AMDHD2: variants seen among roughly 807,000 people sequenced by gnomAD.
The protein encoded by AMDHD2 is amidohydrolase domain containing 2, also known as N-acetylglucosamine-6-phosphate deacetylase.
Under a neutral mutation model 41.8 loss-of-function variants are expected in AMDHD2, and 24 were observed. The observed-to-expected ratio is 0.57, with a 90% CI of 0.42 to 0.81. The LOEUF (loss-of-function observed/expected upper bound fraction) is 0.81, where lower values mean the gene tolerates loss of function less well. AMDHD2 is among the 30% of genes least tolerant of loss of function. The pLI is 0.00. For synonymous variants in AMDHD2, 332 were observed against 255.5 expected (o/e 1.30, Z -2.85); for missense variants, 540 against 588.5 (o/e 0.92, Z 0.85).
intron 3 of AMDHD2, among the ~76,000 whole-genome samples, chr16:2,523,169 A>G (rs1402838047): frequency 6.6e-6 from 1 of 152,168 alleles, no homozygotes; most frequent in African/African-American, 2.4e-5. Context: ...TAAGATAATG[A>G]ATATTTTCTT....
At position 2,520,778 on chromosome 16, in the gene AMDHD2, G is replaced by C. The variant is rs1204504052; in HGVS notation, c.93G>C (p.Leu31=). ...LRGGKLLRED[L]WVRGGRILDP... is the part of the protein sequence containing the mutation. ...CCCACTGCGTCCCCAGGGAGGATCT[G>C]TGGGTGCGCGGAGGCCGCATCTTGG... Residue 31 remains leucine (L), a synonymous_variant, in exon 2 of 11, where the codon CTG becomes CTC. Transcript: ENST00000293971. 2 of 1,600,144 alleles carry C rather than the reference G, an allele frequency of 1.2e-6. No homozygotes were observed. Among genetic ancestry groups the C allele is most frequent in the South Asian group, 1.1e-5 (1 of 90,480 alleles).
In AMDHD2 at chr16:2,521,278, C is replaced by T. The variant is rs2065933428; in HGVS notation, c.360+155C>T. Among the ~76,000 whole-genome samples, 3 of 150,816 alleles carry T rather than the reference C, an allele frequency of 2.0e-5. No homozygotes were observed. In the Admixed American group the frequency reaches 2.0e-4, roughly 10 times the overall value. ...ACCGGATCTGGGCCTGGGTCCCGCC[C>T]CTGTGCTTCTTTATCAGTTGTCGCT... On this transcript the variant is annotated intron_variant, in intron 3 of 10. Coordinates refer to ENST00000293971, the MANE Select transcript of AMDHD2 (RefSeq NM_001330449.2).
In AMDHD2 at chr16:2,528,347, G is replaced by A. The variant is rs144328925; in HGVS notation, c.829G>A (p.Ala277Thr). Residue 277 changes from alanine (A) to threonine (T), a missense_variant, in exon 7 of 11, where the codon GCC becomes ACC. Coordinates refer to ENST00000293971, the MANE Select transcript of AMDHD2 (RefSeq NM_001330449.2). ...IADGTHTNPA[A>T]LRIAHRAHPQ... ...AGATGGCACGCACACCAACCCCGCC[G>A]CCCTGCGGATCGCCCACCGTGCCCA... 8.7e-6 allele frequency: 14 copies of A among 1,612,720 alleles called. No homozygotes were observed. The highest frequency in any genetic ancestry group is 1.7e-5 in the Admixed American group (1 of 60,002).
At chr16:2,522,805 T>TGCCTG (rs954849595) in intron 3 of AMDHD2, among the ~76,000 whole-genome samples, 1 of 151,904 alleles carries the variant, frequency 6.6e-6, no homozygotes, top group African/African-American at 2.4e-5. Context: ...AGAGCCACTG[T>TGCCTG]GCCTGGCCCA....
At position 2,520,544 on chromosome 16, in the gene AMDHD2, G is replaced by T. The variant is rs767879826; in HGVS notation, c.83+3G>T. On this transcript the variant is annotated splice_donor_region_variant and intron_variant, in intron 1 of 10. Transcript: ENST00000293971. Reference sequence around the variant, plus strand: ...CTGCGCGGAGGGAAACTGCTCAGGTGGGCGCGGGCCGGGGACTGCGGGGCT... The same window carrying T: ...CTGCGCGGAGGGAAACTGCTCAGGTTGGCGCGGGCCGGGGACTGCGGGGCT... 6.5e-6 allele frequency: 8 copies of T among 1,238,850 alleles called. No homozygotes were observed. The highest frequency in any genetic ancestry group is 3.0e-4 in the Middle Eastern group (1 of 3,304). The allele number at this position is 1,238,850 out of a possible 1,614,324, so 76.7% of individuals were successfully genotyped here.
At position 2,530,377 on chromosome 16, in the gene AMDHD2, G is replaced by A. The variant is rs555977956; in HGVS notation, c.*814G>A. 1.2e-6 allele frequency: 2 copies of A among 1,614,182 alleles called. No homozygotes were observed. The highest frequency in any genetic ancestry group is 4.5e-5 in the East Asian group (2 of 44,882). ...CCATCTTCTGTGTCCCCTTGGCCCT[G>A]GCACACACCCATGTGGCAAACACGG... On this transcript the variant is annotated 3_prime_UTR_variant, in exon 11 of 11. Transcript: ENST00000293971.
rs367937724 is a variant in AMDHD2, at chr16:2,530,755, C to T, written c.*1192C>T. On this transcript the variant is annotated 3_prime_UTR_variant, in exon 11 of 11. Coordinates refer to ENST00000293971, the MANE Select transcript of AMDHD2 (RefSeq NM_001330449.2). ...AACCACCTGCCTGGGCAGGGCCTCG[C>T]CTGAGGGAGGGCCTGGGGCAGGGCA... The T allele has an allele frequency of 9.9e-6, 16 of 1,613,604 alleles. No individual in the cohort carries two copies. Among genetic ancestry groups the T allele is most frequent in the Non-Finnish European group, 1.2e-5 (14 of 1,179,808 alleles).
At chr16:2,525,366 C>CTTTT (rs34643272) in intron 3 of AMDHD2, among the ~76,000 whole-genome samples, 2 of 127,338 alleles carry the variant, frequency 1.6e-5, no homozygotes, top group Admixed American at 7.9e-5. Flanking sequence ...CCAAATGTTG[C>CTTTT]TTTTTTTTTT....
rs764415933 is a variant in AMDHD2 at position 2,530,237 on chromosome 16, A to G, written c.*674A>G. ...TCTGTTTTCTCTTCTCAATAACCCT[A>G]TCTCTTCACACATCCCCAGGCCCAG... On this transcript the variant is annotated 3_prime_UTR_variant, in exon 11 of 11. Transcript: ENST00000293971. 22 of 1,592,740 alleles carry G rather than the reference A, an allele frequency of 1.4e-5. 1 individual carries two copies. The East Asian group carries it at 2.3e-4, about 16-fold the overall frequency.
At position 2,531,305 on chromosome 16, in the gene AMDHD2, G is replaced by C; in HGVS notation, c.*1742G>C. The C allele has an allele frequency of 1.8e-6, 1 of 557,758 alleles. No individual in the cohort carries two copies. The allele number at this position is 557,758 out of a possible 1,614,324, so 34.6% of individuals were successfully genotyped here. A position where few individuals can be genotyped will look rare whatever the true frequency, so the allele number is the denominator to read the frequency against. ...CCAGGGTCAGGGTGAGAGAGAGCTGGGCCAGGGAGCTGCTGCAGGATGATT... is the reference window on the plus strand; with the variant it reads ...CCAGGGTCAGGGTGAGAGAGAGCTGCGCCAGGGAGCTGCTGCAGGATGATT... On this transcript the variant is annotated 3_prime_UTR_variant, in exon 11 of 11. Coordinates refer to ENST00000293971, the MANE Select transcript of AMDHD2 (RefSeq NM_001330449.2).
chr16:2,531,404 A>G lies in AMDHD2; in HGVS notation c.*1841A>G. 2.0e-6 allele frequency: 1 copy of G among 506,662 alleles called. No homozygotes were observed. The highest frequency in any genetic ancestry group is 3.6e-5 in the Admixed American group (1 of 27,968). The allele number at this position is 506,662 out of a possible 1,614,324, so 31.4% of individuals were successfully genotyped here. A position where few individuals can be genotyped will look rare whatever the true frequency, so the allele number is the denominator to read the frequency against. On this transcript the variant is annotated 3_prime_UTR_variant, in exon 11 of 11. Coordinates refer to ENST00000293971, the MANE Select transcript of AMDHD2 (RefSeq NM_001330449.2). ...AAATTGTGGTAAAATACATAACAAAAGTAACTATCGTAACCTGAGCAGTTC... is the reference window on the plus strand; with the variant it reads ...AAATTGTGGTAAAATACATAACAAAGGTAACTATCGTAACCTGAGCAGTTC...
intron 9 of AMDHD2, 89 bp from the exon 10 acceptor site, chr16:2,528,905 C>T: frequency 1.3e-6 from 2 of 1,482,796 alleles, no homozygotes; most frequent in Non-Finnish European, 1.8e-6. Context: ...CTGCAGAGTC[C>T]CTGAGACAGG....
At position 2,530,902 on chromosome 16, in the gene AMDHD2, C is replaced by T. The variant is rs373411042; in HGVS notation, c.*1339C>T. 83 of 1,613,388 alleles carry T rather than the reference C, an allele frequency of 5.1e-5. No individual in the cohort carries two copies. In the Middle Eastern group the frequency reaches 9.9e-4, roughly 19 times the overall value. ...ATACCCACCTCTGCCTTGACGGCCG[C>T]GCACCCCTTAGGAAGTGGCTGTCCA... is the stretch of plus-strand genomic sequence containing the variant. On this transcript the variant is annotated 3_prime_UTR_variant, in exon 11 of 11. Coordinates refer to ENST00000293971, the MANE Select transcript of AMDHD2 (RefSeq NM_001330449.2).
chr16:2,529,961 TGGGGTGAAGCCACCATGGGCTG>T lies in AMDHD2; in HGVS notation c.*408_*429del. ...GGCAGGCAGTCAGTGGCTGGTGCCA[TGGGGTGAAGCCACCATGGGCTG>T]GGGGTGAAGAGCCGGCAGGAAGGGG... On this transcript the variant is annotated 3_prime_UTR_variant, in exon 11 of 11. Coordinates refer to ENST00000293971, the MANE Select transcript of AMDHD2 (RefSeq NM_001330449.2). The T allele has an allele frequency of 1.3e-6, 1 of 784,956 alleles. No individual in the cohort carries two copies. The highest frequency in any genetic ancestry group is 2.2e-5 in the South Asian group (1 of 45,688). 48.6% of individuals were successfully genotyped at this position (784,956 alleles called of 1,614,324 possible). A position where few individuals can be genotyped will look rare whatever the true frequency, so the allele number is the denominator to read the frequency against.
At position 2,527,976 on chromosome 16, in the gene AMDHD2, G is replaced by A. The variant is rs745954860; in HGVS notation, c.619G>A (p.Val207Met). The A allele has an allele frequency of 1.1e-5, 18 of 1,604,670 alleles. No individual in the cohort carries two copies. Among genetic ancestry groups the A allele is most frequent in the African/African-American group, 6.7e-5 (5 of 74,894 alleles). The change falls in exon 5 of 11, where the codon GTG becomes ATG. Residue 207 changes from valine to methionine, a missense_variant. Physicochemically the swap from Val to Met is conservative, Grantham distance 21. Coordinates refer to ENST00000293971, the MANE Select transcript of AMDHD2 (RefSeq NM_001330449.2). The surrounding 1 kb of genome is among the most constrained non-coding windows in gnomAD (Gnocchi z 6.1). ...IRALTARGIC[V>M]SLGHSVADLR... The stretch of plus-strand genomic sequence containing the variant: ...GGCGCTGACGGCCCGTGGCATCTGC[G>A]TGTCCCTAGGTGAGGGGCCGGCTCG...
At chr16:2,526,119 G>A (rs2066000795) in intron 3 of AMDHD2, among the ~76,000 whole-genome samples, 1 of 152,150 alleles carries the variant, frequency 6.6e-6, no homozygotes. Flanking sequence ...GTCCTCTTTT[G>A]TTCGGGCTCC....
At chr16:2,529,365 G>C in intron 10 of AMDHD2, 110 bp from the exon 11 acceptor site, 2 of 1,522,466 alleles carry the variant, frequency 1.3e-6, no homozygotes, top group East Asian at 2.3e-5. Context: ...TGCACTAGTC[G>C]TGTCCCTGGG....
At position 2,522,560 on chromosome 16, in the gene AMDHD2, C is replaced by T. The variant is rs540028018; in HGVS notation, c.360+1437C>T. 6.6e-5 allele frequency among the ~76,000 whole-genome samples: 10 copies of T among 152,062 alleles called. No homozygotes were observed. In the South Asian group the frequency reaches 8.3e-4, roughly 13 times the overall value. ...GGAGTGGTTGCGCCTACCTGTAGTC[C>T]CAGCTACTTGGGAGGCTGAGGCAGG... On this transcript the variant is annotated intron_variant, in intron 3 of 10. Coordinates refer to ENST00000293971, the MANE Select transcript of AMDHD2 (RefSeq NM_001330449.2).
chr16:2,523,666 C>T (rs1370520750), intron 3 of AMDHD2, among the ~76,000 whole-genome samples: 1 of 152,222 alleles, frequency 6.6e-6, no homozygotes, highest in Non-Finnish European at 1.5e-5. Context: ...CTGCTGCCAA[C>T]TGGCACCTGG....
Sources: allele counts gnomAD v4.1 joint callset (sites outside exome capture counted in the v4.1 genomes callset), GRCh38; gene constraint gnomAD v4.1.1; non-coding constraint Gnocchi (gnomAD v3.1); transcripts MANE v1.5; gene names NCBI Gene and HGNC (gene_info 2026-07-23, HGNC 2026-07-21).